The following SGCZ variants were observed in gnomAD, a reference collection of about 807,000 sequenced individuals.
The protein encoded by SGCZ is zeta-sarcoglycan.
Under a neutral mutation model 41.3 loss-of-function variants are expected in SGCZ, and 40 were observed. The observed-to-expected ratio is 0.97, with a 90% CI of 0.75 to 1.26. The LOEUF is 1.26. Ranked by LOEUF, SGCZ falls within the 50% of genes most tolerant of loss-of-function variation. The pLI, the probability that SGCZ is intolerant of heterozygous loss-of-function variation, is 0.00. For missense variants in SGCZ, 552 were observed against 369.8 expected (o/e 1.49, Z -4.04); for synonymous variants, 206 against 137.5 (o/e 1.50, Z -3.49).
At chr8:15,233,138 T>G (rs1189969177) in intron 1 of SGCZ, among the ~76,000 whole-genome samples, 1 of 151,872 alleles carries the variant, frequency 6.6e-6, no homozygotes, top group Non-Finnish European at 1.5e-5. Flanking sequence ...CAAATATGTT[T>G]CATCTTTCTC....
rs116891980 is a variant in SGCZ, at chr8:15,098,794, C to G, written c.39+138791G>C. On this transcript the variant is annotated intron_variant, in intron 1 of 7. Transcript: ENST00000382080. ...GTGCCTCAGTTCGGGTGCCATGGCT[C>G]ACGCCTGTAATCCCAGCACTTTGGG... Among the ~76,000 whole-genome samples the G allele has an allele frequency of 8.3e-3, 1,270 of 152,292 alleles. 6 individuals are homozygous for G. Among genetic ancestry groups the G allele is most frequent in the Admixed American group, 0.013 (193 of 15,304 alleles).
chr8:15,147,712 G>T (rs947614723), intron 1 of SGCZ, among the ~76,000 whole-genome samples: 1 of 152,208 alleles, frequency 6.6e-6, no homozygotes, highest in Non-Finnish European at 1.5e-5. Context: ...TGAGAGGAGG[G>T]GAGAAGGCCC....
At chr8:14,752,079 A>G (rs1431076828) in intron 1 of SGCZ, among the ~76,000 whole-genome samples, 3 of 150,120 alleles carry the variant, frequency 2.0e-5, no homozygotes, top group Admixed American at 6.7e-5. Context: ...TGAGAAAACT[A>G]TTTAGCAACA....
intron 1 of SGCZ, among the ~76,000 whole-genome samples, chr8:15,186,326 C>CCAAAAGTG (rs1800344171): frequency 1.4e-5 from 2 of 140,284 alleles, no homozygotes; most frequent in Admixed American, 1.4e-4. Flanking sequence ...ATGTAGTAGT[C>CCAAAAGTG]CAAAGAGAAA....
chr8:14,251,921 G>T (rs972369688), intron 3 of SGCZ, among the ~76,000 whole-genome samples: 1 of 152,062 alleles, frequency 6.6e-6, no homozygotes, highest in Non-Finnish European at 1.5e-5. Flanking sequence ...TGTTGGCCAG[G>T]ATGGTCTCGA....
chr8:14,824,929 T>A (rs1190033877), intron 1 of SGCZ, among the ~76,000 whole-genome samples: 1 of 152,124 alleles, frequency 6.6e-6, no homozygotes, highest in East Asian at 1.9e-4. Context: ...ATTCTAAATT[T>A]CTTCATGTGA....
chr8:14,542,437 G>A lies in SGCZ; in HGVS notation c.234+12295C>T, dbSNP rs530340754. Reference sequence around the variant, plus strand: ...CACTAATGACTATTTAGTATATTTTGGAAAAGGAACAGAGAAACAAAAGGA... The same window carrying A: ...CACTAATGACTATTTAGTATATTTTAGAAAAGGAACAGAGAAACAAAAGGA... On this transcript the variant is annotated intron_variant, in intron 2 of 7. Coordinates refer to ENST00000382080, the MANE Select transcript of SGCZ (RefSeq NM_139167.4). 4.6e-5 allele frequency among the ~76,000 whole-genome samples: 7 copies of A among 152,078 alleles called. No individual in the cohort carries two copies. The South Asian group carries it at 1.5e-3, about 32-fold the overall frequency.
intron 1 of SGCZ, among the ~76,000 whole-genome samples, chr8:14,596,022 T>C (rs1257590205): frequency 6.6e-6 from 1 of 152,198 alleles, no homozygotes; most frequent in African/African-American, 2.4e-5. Flanking sequence ...AACTCATCAG[T>C]TTACACGGTT....
intron 1 of SGCZ, among the ~76,000 whole-genome samples, chr8:15,195,691 T>C (rs574896407): frequency 1.2e-4 from 18 of 152,266 alleles, no homozygotes; most frequent in Admixed American, 1.1e-3. Context: ...CTCTGAAATG[T>C]TGCCATTTGG....
intron 3 of SGCZ, among the ~76,000 whole-genome samples, chr8:14,250,434 T>C (rs111956678): frequency 0.012 from 1,862 of 152,268 alleles, 18 homozygotes; most frequent in South Asian, 0.028. Context: ...ATCTTTTTTA[T>C]ACACAGGCAT....
chr8:14,093,884 T>C (rs989582590), intron 7 of SGCZ, among the ~76,000 whole-genome samples: 1 of 152,124 alleles, frequency 6.6e-6, no homozygotes, highest in African/African-American at 2.4e-5. Context: ...CCATTTGTAA[T>C]GTTACATTTG....
intron 2 of SGCZ, among the ~76,000 whole-genome samples, chr8:14,431,443 GAC>G (rs1414665937): frequency 6.8e-6 from 1 of 147,634 alleles, no homozygotes; most frequent in African/African-American, 2.5e-5. Flanking sequence ...GTGGGGAGAA[GAC>G]ACCCTATTCA....
chr8:14,568,114 C>G (rs1421785551), intron 1 of SGCZ, among the ~76,000 whole-genome samples: 1 of 152,068 alleles, frequency 6.6e-6, no homozygotes. Context: ...AACCATCATC[C>G]TCAGCAAACT....
At chr8:14,848,393 C>T (rs1803205752) in intron 1 of SGCZ, among the ~76,000 whole-genome samples, 1 of 152,038 alleles carries the variant, frequency 6.6e-6, no homozygotes. Flanking sequence ...CCTAAAATAG[C>T]CAAACAACGT....
At position 14,327,880 on chromosome 8, in the gene SGCZ, A is replaced by C. The variant is rs1192539145; in HGVS notation, c.235-3676T>G. On this transcript the variant is annotated intron_variant, in intron 2 of 7. Coordinates refer to ENST00000382080, the MANE Select transcript of SGCZ (RefSeq NM_139167.4). ...ACTGCAACCTCCACCTCCCAGGTTCAAGTGATTCTCCTGCCTCAGCCTCCT... is the reference window on the plus strand; with the variant it reads ...ACTGCAACCTCCACCTCCCAGGTTCCAGTGATTCTCCTGCCTCAGCCTCCT... Among the ~76,000 whole-genome samples, 5 of 152,134 alleles carry C rather than the reference A, an allele frequency of 3.3e-5. No individual in the cohort carries two copies. The East Asian group carries it at 9.7e-4, about 29-fold the overall frequency.
chr8:14,990,915 C>T (rs1366364860), intron 1 of SGCZ, among the ~76,000 whole-genome samples: 1 of 151,966 alleles, frequency 6.6e-6, no homozygotes, highest in Non-Finnish European at 1.5e-5. Flanking sequence ...CAACCCAGTC[C>T]CAGTCCAGCA....
At chr8:14,206,885 T>C (rs748701540) in intron 4 of SGCZ, among the ~76,000 whole-genome samples, 7 of 152,122 alleles carry the variant, frequency 4.6e-5, no homozygotes, top group African/African-American at 7.2e-5. Context: ...CTTATACACA[T>C]GAGAACACCT....
intron 1 of SGCZ, among the ~76,000 whole-genome samples, chr8:14,941,803 A>G (rs1800283460): frequency 6.6e-6 from 1 of 151,592 alleles, no homozygotes; most frequent in Non-Finnish European, 1.5e-5. Context: ...TACATGTCAT[A>G]TATATGTAAT....
At chr8:15,161,410 T>C (rs945600042) in intron 1 of SGCZ, among the ~76,000 whole-genome samples, 6 of 152,126 alleles carry the variant, frequency 3.9e-5, no homozygotes, top group African/African-American at 9.7e-5. Context: ...CATTATACCA[T>C]ATATACTTTA....
Sources: gnomAD v4.1 joint callset for allele counts (sites outside exome capture counted in the v4.1 genomes callset) on GRCh38, gnomAD v4.1.1 for gene constraint, MANE v1.5 for transcripts, NCBI Gene and HGNC (gene_info 2026-07-23, HGNC 2026-07-21) for gene names.